ASAP1: variants seen among roughly 807,000 people sequenced by gnomAD.
ASAP1 encodes arf-GAP with SH3 domain, ANK repeat and PH domain-containing protein 1.
Under a neutral mutation model 145.2 loss-of-function variants are expected in ASAP1, and 43 were observed. That is an observed-to-expected ratio of 0.30 (90% CI 0.23 to 0.38). The LOEUF is 0.38. Ranked by LOEUF, ASAP1 falls within the 10% of genes least tolerant of loss-of-function variation. ASAP1 has a pLI of 1.00. For synonymous variants in ASAP1, 546 were observed against 515.5 expected (o/e 1.06, Z -0.80); for missense variants, 1,018 against 1,355.3 (o/e 0.75, Z 3.91).
intron 3 of ASAP1, among the ~76,000 whole-genome samples, chr8:130,281,492 G>A (rs562167540): frequency 1.3e-5 from 2 of 152,158 alleles, no homozygotes; most frequent in South Asian, 4.2e-4. Context: ...TCTAAGAACA[G>A]GGGTTTATAT....
Position 130,257,893 on chromosome 8 carries a change from A to G in ASAP1, c.187-20899T>C, listed in dbSNP as rs1417487988. Among the ~76,000 whole-genome samples, 3 of 150,762 alleles carry G rather than the reference A, an allele frequency of 2.0e-5. No individual in the cohort carries two copies. The East Asian group carries it at 5.9e-4, about 30-fold the overall frequency. The stretch of plus-strand genomic sequence containing the variant: ...ACCACAATATTCTAGCAAATCTGTT[A>G]AAGAAGAGATTGCAAATGTGGGGCC... On this transcript the variant is annotated intron_variant, in intron 3 of 29. Transcript: ENST00000518721.
At position 130,118,204 on chromosome 8, in the gene ASAP1, C is replaced by A; in HGVS notation, c.1837G>T (p.Asp613Tyr). Residue 613 changes from aspartate to tyrosine, a missense_variant, in exon 20 of 30, where the codon GAT (aspartate) becomes TAT (tyrosine). By Grantham distance (160) the Asp-to-Tyr change is radical (BLOSUM62 -3). This residue lies in a region of ASAP1 where 353 missense variants were observed against 375.4 expected (regional missense o/e 0.94). Coordinates refer to ENST00000518721, the MANE Select transcript of ASAP1 (RefSeq NM_018482.4). ...TCAACCAAATGGAGAGATGTCTGAT[C>A]TGCAGTTCGGACGGCAAGGTGAAGG... ...TALHLAVRTA[D>Y]QTSLHLVDFL... The A allele has an allele frequency of 6.2e-7, 1 of 1,613,950 alleles. No homozygotes were observed. Among genetic ancestry groups the A allele is most frequent in the Non-Finnish European group, 8.5e-7 (1 of 1,179,874 alleles).
chr8:130,345,367 T>G (rs781194156), intron 3 of ASAP1, among the ~76,000 whole-genome samples: 31 of 152,196 alleles, frequency 2.0e-4, no homozygotes, highest in Non-Finnish European at 4.0e-4. Context: ...TATCTAGATT[T>G]AAATGCCTCC....
intron 1 of ASAP1, among the ~76,000 whole-genome samples, chr8:130,438,239 G>A (rs781580054): frequency 5.3e-5 from 8 of 152,120 alleles, no homozygotes; most frequent in East Asian, 1.9e-4. Flanking sequence ...ATTACCCCTC[G>A]CAGCAACGTG....
At chr8:130,084,179 T>C (rs1355800463) in intron 25 of ASAP1, 1 of 152,228 alleles carries the variant, frequency 6.6e-6, no homozygotes, top group Non-Finnish European at 1.5e-5. Context: ...TGCTGGCTCA[T>C]CAACTTCTCT....
chr8:130,347,452 C>T (rs1271007607), intron 3 of ASAP1, among the ~76,000 whole-genome samples: 1 of 152,226 alleles, frequency 6.6e-6, no homozygotes, highest in African/African-American at 2.4e-5. Flanking sequence ...ATTCTCCCAA[C>T]AGCTGTGAAG....
chr8:130,413,951 A>C (rs943962519), intron 1 of ASAP1, among the ~76,000 whole-genome samples: 5 of 152,164 alleles, frequency 3.3e-5, no homozygotes, highest in African/African-American at 1.2e-4. Flanking sequence ...GCCTATGAGG[A>C]GCCCACCCAA....
chr8:130,328,627 T>TC (rs1824491184), intron 3 of ASAP1, among the ~76,000 whole-genome samples: 1 of 150,818 alleles, frequency 6.6e-6, no homozygotes, highest in Non-Finnish European at 1.5e-5. Context: ...TTTTTTTTTT[T>TC]AAGAGACAAG....
At chr8:130,094,616 C>A (rs549223631) in intron 24 of ASAP1, among the ~76,000 whole-genome samples, 1 of 152,086 alleles carries the variant, frequency 6.6e-6, no homozygotes, top group African/African-American at 2.4e-5. Flanking sequence ...CATTTTGCAG[C>A]CGAGAACTCA....
chr8:130,333,268 TG>T (rs1243588047), intron 3 of ASAP1, among the ~76,000 whole-genome samples: 28 of 152,354 alleles, frequency 1.8e-4, no homozygotes, highest in Non-Finnish European at 2.9e-5. Flanking sequence ...CTTTAGTTGA[TG>T]GGATTACTTG....
intron 3 of ASAP1, among the ~76,000 whole-genome samples, chr8:130,325,910 G>A (rs557109337): frequency 1.1e-4 from 17 of 152,082 alleles, no homozygotes; most frequent in Non-Finnish European, 1.9e-4. Flanking sequence ...TGCCAGAAAC[G>A]GTGGTAAGTT....
intron 7 of ASAP1, among the ~76,000 whole-genome samples, chr8:130,185,694 A>C (rs1814667452): frequency 6.8e-6 from 1 of 146,090 alleles, no homozygotes; most frequent in South Asian, 2.2e-4. Flanking sequence ...GAGCCACTGA[A>C]CTCTAGCCTG....
At chr8:130,249,186 C>T (rs1819044224) in intron 3 of ASAP1, among the ~76,000 whole-genome samples, 1 of 152,162 alleles carries the variant, frequency 6.6e-6, no homozygotes, top group African/African-American at 2.4e-5. Flanking sequence ...ATCTTCCGCA[C>T]CATTGCAGAG....
chr8:130,188,539 GC>G (rs745540501), intron 5 of ASAP1, among the ~76,000 whole-genome samples: 5 of 151,954 alleles, frequency 3.3e-5, no homozygotes, highest in Non-Finnish European at 7.4e-5. Flanking sequence ...TTCGAGACCA[GC>G]CTGGCCAACA....
At chr8:130,387,906 TTGTCCATTAGG>T (rs1299166259) in intron 2 of ASAP1, among the ~76,000 whole-genome samples, 1 of 152,220 alleles carries the variant, frequency 6.6e-6, no homozygotes, top group Non-Finnish European at 1.5e-5. Flanking sequence ...ATCAGTGACC[TTGTCCATTAGG>T]AGCTTATAGT....
In ASAP1 at chr8:130,122,602, G is replaced by A. The variant is rs139064137; in HGVS notation, c.1607+1411C>T. On this transcript the variant is annotated intron_variant, in intron 18 of 29. Transcript: ENST00000518721. ...TATGAGGTAGATATATGTTCTGGAT[G>A]AGGAAACTAAGGCACAGACAATTAA... 7.9e-5 allele frequency among the ~76,000 whole-genome samples: 12 copies of A among 152,342 alleles called. No homozygotes were observed. In the East Asian group the frequency reaches 2.1e-3, roughly 27 times the overall value.
intron 14 of ASAP1, 101 bp downstream of exon 14, chr8:130,136,850 C>T: frequency 1.0e-6 from 1 of 992,932 alleles, no homozygotes. Flanking sequence ...CCAATGCCAA[C>T]TGTGAGGAGC....
intron 3 of ASAP1, among the ~76,000 whole-genome samples, chr8:130,240,126 G>A (rs1404859934): frequency 1.3e-5 from 2 of 152,012 alleles, no homozygotes; most frequent in South Asian, 2.1e-4. Context: ...AACATTTTTT[G>A]AGACCATCTA....
chr8:130,326,921 T>A (rs944029292), intron 3 of ASAP1, among the ~76,000 whole-genome samples: 2 of 152,208 alleles, frequency 1.3e-5, no homozygotes, highest in Non-Finnish European at 2.9e-5. Flanking sequence ...GCCTTTCAGA[T>A]TCTGGCACAC....
Sources: gnomAD v4.1 joint callset for allele counts (sites outside exome capture counted in the v4.1 genomes callset) on GRCh38, gnomAD v4.1.1 for gene constraint, gnomAD v4.1.1 regional missense constraint, MANE v1.5 for transcripts, NCBI Gene and HGNC (gene_info 2026-07-23, HGNC 2026-07-21) for gene names.